The following CTNNA2 variants were observed in gnomAD, a reference collection of about 807,000 sequenced individuals.
CTNNA2 encodes the protein catenin alpha 2.
A neutral mutation model predicts 101.0 loss-of-function variants in CTNNA2; 42 were observed. The ratio of observed to expected loss-of-function variants is 0.42; its 90% CI spans 0.32 to 0.54. CTNNA2 has a LOEUF of 0.54. CTNNA2 is among the 20% of genes least tolerant of loss of function. The probability of loss-of-function intolerance (pLI) is 0.14; values close to 1 mark genes in which losing one functional copy is unlikely to be tolerated. For missense variants in CTNNA2, 871 were observed against 1,223.1 expected (o/e 0.71, Z 4.29); for synonymous variants, 450 against 456.4 (o/e 0.99, Z 0.18).
rs1553400676 is a variant in CTNNA2, at chr2:80,589,903, T to TGTGTGTGC, written c.2189+421_2189+422insTGTGCGTG. 4.2e-3 allele frequency among the ~76,000 whole-genome samples: 611 copies of TGTGTGTGC among 144,476 alleles called. 8 individuals are homozygous for TGTGTGTGC. The highest frequency in any genetic ancestry group is 7.0e-3 in the East Asian group (33 of 4,740). The allele number at this position is 144,476 out of a possible 152,430, so 94.8% of individuals were successfully genotyped here. A position where few individuals can be genotyped will look rare whatever the true frequency, so the allele number is the denominator to read the frequency against. ...GTGTGTGTGTGTGTGTGTGTGTGTG[T>TGTGTGTGC]GTGCGCGCGCGCGCATGTATACATA... On this transcript the variant is annotated intron_variant, in intron 15 of 18. Transcript: ENST00000402739.
intron 9 of CTNNA2, among the ~76,000 whole-genome samples, chr2:80,534,640 C>T (rs1024082470): frequency 6.7e-4 from 102 of 152,042 alleles, no homozygotes; most frequent in Admixed American, 5.4e-3. Context: ...GTTTATAGAA[C>T]GAATAGTTAG....
At chr2:79,976,461 G>A (rs1321421312) in intron 7 of CTNNA2, among the ~76,000 whole-genome samples, 2 of 152,164 alleles carry the variant, frequency 1.3e-5, no homozygotes, top group African/African-American at 2.4e-5. Flanking sequence ...GAGCACTTTT[G>A]CTTTCTCTAG....
At chr2:79,404,821 T>G (rs1414430635) in intron 4 of CTNNA2, among the ~76,000 whole-genome samples, 1 of 152,024 alleles carries the variant, frequency 6.6e-6, no homozygotes, top group Non-Finnish European at 1.5e-5. Context: ...AGAATTCTAA[T>G]ATAACCTCAT....
chr2:79,638,663 C>A (rs1462326658), intron 1 of CTNNA2, among the ~76,000 whole-genome samples: 1 of 152,188 alleles, frequency 6.6e-6, no homozygotes, highest in Non-Finnish European at 1.5e-5. Context: ...CAGGAAACTG[C>A]ATGAGGCAGG....
intron 3 of CTNNA2, among the ~76,000 whole-genome samples, chr2:79,748,388 C>T (rs190151030): frequency 6.6e-6 from 1 of 152,298 alleles, no homozygotes; most frequent in African/African-American, 2.4e-5. Context: ...TATGGACACA[C>T]TGACATTTAG....
chr2:80,271,036 C>T (rs986328120), intron 7 of CTNNA2, among the ~76,000 whole-genome samples: 12 of 152,106 alleles, frequency 7.9e-5, no homozygotes. Context: ...TCAGTTTGAC[C>T]TGCAATTTCT....
intron 2 of CTNNA2, chr2:79,687,796 C>T (rs1196754790): frequency 1.1e-5 from 5 of 466,924 alleles, no homozygotes; most frequent in Non-Finnish European, 1.9e-5. Flanking sequence ...AATACAGGCG[C>T]CAAAAATGGA....
At chr2:79,811,035 A>T (rs1016802043) in intron 3 of CTNNA2, among the ~76,000 whole-genome samples, 1 of 151,054 alleles carries the variant, frequency 6.6e-6, no homozygotes, top group Non-Finnish European at 1.5e-5. Context: ...TCCTTTGGGT[A>T]TATACCCAGT....
chr2:79,725,780 A>G (rs1686799273), intron 2 of CTNNA2, among the ~76,000 whole-genome samples: 1 of 151,944 alleles, frequency 6.6e-6, no homozygotes. Context: ...TTTACCACCC[A>G]TAGATTTTTT....
At chr2:80,633,647 T>G (rs1485542251) in intron 18 of CTNNA2, among the ~76,000 whole-genome samples, 1 of 152,196 alleles carries the variant, frequency 6.6e-6, no homozygotes, top group Non-Finnish European at 1.5e-5. Context: ...ATGAATTTTA[T>G]GAGCCTTCAA....
In CTNNA2 at chr2:79,860,253, C is replaced by A. The variant is rs185477382; in HGVS notation, c.465+2074C>A. Among the ~76,000 whole-genome samples, 68 of 152,294 alleles carry A rather than the reference C, an allele frequency of 4.5e-4. 1 individual carries two copies. The highest frequency in any genetic ancestry group is 3.9e-3 in the Admixed American group (59 of 15,302). On this transcript the variant is annotated intron_variant, in intron 4 of 18. Coordinates refer to ENST00000402739, the MANE Select transcript of CTNNA2 (RefSeq NM_001282597.3). The stretch of plus-strand genomic sequence containing the variant: ...AAGGAAATAATACGACTGAACCTAA[C>A]AAAATTAACCTTACATCTCATATGT...
chr2:80,262,428 A>G (rs940185813), intron 7 of CTNNA2, among the ~76,000 whole-genome samples: 4 of 152,148 alleles, frequency 2.6e-5, no homozygotes, highest in Non-Finnish European at 4.4e-5. Flanking sequence ...AAATTGGTGT[A>G]TATATATTTT....
chr2:79,367,570 A>G (rs745925552), intron 3 of CTNNA2, among the ~76,000 whole-genome samples: 19 of 152,094 alleles, frequency 1.2e-4, no homozygotes, highest in African/African-American at 2.2e-4. Flanking sequence ...CTTCTAGACC[A>G]CTGTAGAACT....
At chr2:79,364,931 C>A (rs1274473582) in intron 3 of CTNNA2, among the ~76,000 whole-genome samples, 2 of 152,160 alleles carry the variant, frequency 1.3e-5, no homozygotes, top group Admixed American at 1.3e-4. Flanking sequence ...ATCCCAGCAG[C>A]ATCTTGAATC....
At chr2:79,307,964 A>T (rs539307267) in intron 2 of CTNNA2, among the ~76,000 whole-genome samples, 2 of 152,250 alleles carry the variant, frequency 1.3e-5, no homozygotes, top group East Asian at 1.9e-4. Context: ...TCTGATGATT[A>T]ATGATGTTGA....
intron 2 of CTNNA2, among the ~76,000 whole-genome samples, chr2:79,697,250 A>G (rs568795823): frequency 1.1e-4 from 17 of 152,126 alleles, no homozygotes; most frequent in Non-Finnish European, 1.6e-4. Flanking sequence ...TAGTTATGCA[A>G]TGTCACTCCT....
At chr2:79,995,518 T>C (rs1692477861) in intron 7 of CTNNA2, among the ~76,000 whole-genome samples, 1 of 152,186 alleles carries the variant, frequency 6.6e-6, no homozygotes, top group Non-Finnish European at 1.5e-5. Flanking sequence ...TCATAAGTTT[T>C]TAAAAGTCTG....
At chr2:79,780,187 A>T (rs759215467) in intron 3 of CTNNA2, among the ~76,000 whole-genome samples, 8 of 152,142 alleles carry the variant, frequency 5.3e-5, no homozygotes, top group African/African-American at 1.9e-4. Flanking sequence ...GACTGAACCA[A>T]TGTACATCTT....
chr2:79,536,587 G>C (rs1227520078), intron 1 of CTNNA2, among the ~76,000 whole-genome samples: 1 of 151,994 alleles, frequency 6.6e-6, no homozygotes, highest in Non-Finnish European at 1.5e-5. Context: ...GTGTGTGTGT[G>C]TGTGTGTGTG....
Sources: allele counts gnomAD v4.1 joint callset (sites outside exome capture counted in the v4.1 genomes callset), GRCh38; gene constraint gnomAD v4.1.1; transcripts MANE v1.5; gene names NCBI Gene and HGNC (gene_info 2026-07-23, HGNC 2026-07-21).